The following PPP1R14C variants were observed in gnomAD, a reference collection of about 807,000 sequenced individuals.
The protein encoded by PPP1R14C is protein phosphatase 1 regulatory inhibitor subunit 14C, also known as protein phosphatase 1 regulatory subunit 14C.
In PPP1R14C, 16 loss-of-function variants were observed where a neutral mutation model predicts 20.4. The observed-to-expected ratio is 0.78, with a 90% CI of 0.53 to 1.19. The LOEUF (loss-of-function observed/expected upper bound fraction) is 1.19, where lower values mean the gene tolerates loss of function less well. PPP1R14C is among the 50% of genes most tolerant of loss of function. The probability of loss-of-function intolerance (pLI) is 0.00; values close to 1 mark genes in which losing one functional copy is unlikely to be tolerated. For missense variants in PPP1R14C, 211 were observed against 220.1 expected, an observed-to-expected ratio of 0.96 and a Z score of 0.26; for synonymous variants, 91 against 91.0, an observed-to-expected ratio of 1.00 and a Z score of 0.00.
intron 3 of PPP1R14C, among the ~76,000 whole-genome samples, chr6:150,237,635 A>G (rs886755770): frequency 6.6e-6 from 1 of 152,232 alleles, no homozygotes; most frequent in South Asian, 2.1e-4. Context: ...TTTTCCAAAC[A>G]TGTAACATAC....
chr6:150,149,323 G>GTA (rs1554280435), intron 1 of PPP1R14C, among the ~76,000 whole-genome samples: 5 of 150,792 alleles, frequency 3.3e-5, no homozygotes, highest in Admixed American at 6.6e-5. Flanking sequence ...GTGTGTGTGT[G>GTA]TATGTGTGTG....
At chr6:150,166,904 A>G (rs1323082501) in intron 1 of PPP1R14C, among the ~76,000 whole-genome samples, 1 of 152,210 alleles carries the variant, frequency 6.6e-6, no homozygotes, top group African/African-American at 2.4e-5. Context: ...TTGTAACTCC[A>G]GTCATTTGGA....
Position 150,143,626 on chromosome 6 carries a change from G to T in PPP1R14C, c.306+128G>T, listed in dbSNP as rs560607402. On this transcript the variant is annotated intron_variant, in intron 1 of 3. Transcript: ENST00000361131. This position sits in a 1 kb window ranked among gnomAD's most constrained non-coding sequence, Gnocchi z 5.6. Reference sequence around the variant, plus strand: ...CTCCCGGGGACCAAGTGCCAGGAGCGAGGCGCGGCGCCTTCTCTCCCCCGC... The same window carrying T: ...CTCCCGGGGACCAAGTGCCAGGAGCTAGGCGCGGCGCCTTCTCTCCCCCGC... The T allele has an allele frequency of 4.1e-4, 277 of 683,500 alleles. 3 individuals are homozygous for T. The East Asian group carries it at 7.9e-3, about 19-fold the overall frequency. The allele number at this position is 683,500 out of a possible 1,614,324, so 42.3% of individuals were successfully genotyped here. A position where few individuals can be genotyped will look rare whatever the true frequency, so the allele number is the denominator to read the frequency against.
intron 1 of PPP1R14C, among the ~76,000 whole-genome samples, chr6:150,183,975 A>T (rs1777650096): frequency 1.3e-5 from 2 of 152,194 alleles, no homozygotes; most frequent in Non-Finnish European, 2.9e-5. Context: ...CATATTTCCC[A>T]AGTTTTAAGG....
intron 1 of PPP1R14C, among the ~76,000 whole-genome samples, chr6:150,193,727 C>A (rs939091225): frequency 2.6e-5 from 4 of 152,156 alleles, no homozygotes; most frequent in Admixed American, 1.3e-4. Context: ...GAAGCCCATT[C>A]TGATTTTGAA....
At chr6:150,168,257 C>T (rs1777455295) in intron 1 of PPP1R14C, among the ~76,000 whole-genome samples, 1 of 147,594 alleles carries the variant, frequency 6.8e-6, no homozygotes, top group African/African-American at 2.5e-5. Context: ...CTTGATTCGG[C>T]CGGGCGCGGT....
At chr6:150,242,723 A>G (rs1473328001) in intron 3 of PPP1R14C, among the ~76,000 whole-genome samples, 1 of 152,222 alleles carries the variant, frequency 6.6e-6, no homozygotes, top group Non-Finnish European at 1.5e-5. Context: ...TTAGGCCAAA[A>G]AGAAATACAA....
intron 1 of PPP1R14C, among the ~76,000 whole-genome samples, chr6:150,183,935 A>G (rs914507950): frequency 3.3e-5 from 5 of 152,254 alleles, no homozygotes; most frequent in Admixed American, 1.3e-4. Flanking sequence ...GAGACTTGCT[A>G]TGGTGTAACG....
intron 1 of PPP1R14C, chr6:150,195,051 A>G: frequency 1.0e-6 from 1 of 985,222 alleles, no homozygotes; most frequent in Non-Finnish European, 1.2e-6. Flanking sequence ...CCTTTTGAAT[A>G]TAACCTGTAT....
At chr6:150,158,729 C>A (rs775502837) in intron 1 of PPP1R14C, among the ~76,000 whole-genome samples, 1 of 152,130 alleles carries the variant, frequency 6.6e-6, no homozygotes, top group African/African-American at 2.4e-5. Flanking sequence ...ATGAGTATCC[C>A]ACTGTTTTAT....
At position 150,143,940 on chromosome 6, in the gene PPP1R14C, G is replaced by A. The variant is rs548434013; in HGVS notation, c.306+442G>A. 3.9e-5 allele frequency among the ~76,000 whole-genome samples: 6 copies of A among 152,166 alleles called. No individual in the cohort carries two copies. The highest frequency in any genetic ancestry group is 7.2e-5 in the African/African-American group (3 of 41,450). The stretch of plus-strand genomic sequence containing the variant: ...GGCAGCCCTGATTTTTGTGGAGAAC[G>A]AGCAGGGAAGGAAGGAAGCTGCCTC... On this transcript the variant is annotated intron_variant, in intron 1 of 3. Transcript: ENST00000361131. This position sits in a 1 kb window ranked among gnomAD's most constrained non-coding sequence, Gnocchi z 5.6.
At position 150,198,231 on chromosome 6, in the gene PPP1R14C, G is replaced by A. The variant is rs1267978071; in HGVS notation, c.307-16513G>A. Among the ~76,000 whole-genome samples the A allele has an allele frequency of 2.0e-4, 29 of 144,266 alleles. 1 individual carries two copies. The highest frequency in any genetic ancestry group is 5.4e-4 in the African/African-American group (21 of 38,606). 94.6% of individuals were successfully genotyped at this position (144,266 alleles called of 152,430 possible). On this transcript the variant is annotated intron_variant, in intron 1 of 3. Transcript: ENST00000361131. The stretch of plus-strand genomic sequence containing the variant: ...ACGGTGGAGGAGGGCCTGGATGCCC[G>A]GCTTTGTGTGCCCCTGCCTGCCACG...
rs1373602001 is a variant in PPP1R14C at position 150,180,533 on chromosome 6, G to A, written c.307-34211G>A. Among the ~76,000 whole-genome samples, 7 of 152,206 alleles carry A rather than the reference G, an allele frequency of 4.6e-5. No individual in the cohort carries two copies. In the South Asian group the frequency reaches 6.2e-4, roughly 13 times the overall value. On this transcript the variant is annotated intron_variant, in intron 1 of 3. Transcript: ENST00000361131. ...ATTTAATGCTTCCATGTTTCATCCAGCATTATATAAGGAACTCTGCACATG... is the reference window on the plus strand; with the variant it reads ...ATTTAATGCTTCCATGTTTCATCCAACATTATATAAGGAACTCTGCACATG...
At chr6:150,247,002 G>A (rs190919899) in intron 3 of PPP1R14C, among the ~76,000 whole-genome samples, 67 of 152,152 alleles carry the variant, frequency 4.4e-4, no homozygotes, top group Middle Eastern at 6.8e-3. Flanking sequence ...ATTGTTGCTG[G>A]TTGTATTTTC....
rs545007866 is a variant in PPP1R14C, at chr6:150,204,951, G to C, written c.307-9793G>C. ...GGAAGTGGCCTCTTGAGCCCTTTGA[G>C]ATCAAGGCTGGGCATAGAACACAAC... is the stretch of plus-strand genomic sequence containing the variant. On this transcript the variant is annotated intron_variant, in intron 1 of 3. Coordinates refer to ENST00000361131, the MANE Select transcript of PPP1R14C (RefSeq NM_030949.3). Among the ~76,000 whole-genome samples the C allele has an allele frequency of 5.6e-4, 84 of 151,080 alleles. 1 individual carries two copies. Among genetic ancestry groups the C allele is most frequent in the African/African-American group, 1.9e-3 (80 of 41,244 alleles).
intron 3 of PPP1R14C, among the ~76,000 whole-genome samples, chr6:150,230,176 C>G (rs981372837): frequency 5.9e-5 from 9 of 152,242 alleles, no homozygotes; most frequent in African/African-American, 2.2e-4. Context: ...CACACACCAC[C>G]TGCCCATTTT....
At chr6:150,216,150 G>T (rs185161870) in intron 2 of PPP1R14C, among the ~76,000 whole-genome samples, 6 of 152,340 alleles carry the variant, frequency 3.9e-5, no homozygotes, top group Non-Finnish European at 7.3e-5. Context: ...GGATGCTTGA[G>T]CATCCCTGTC....
chr6:150,174,481 G>T (rs942806295), intron 1 of PPP1R14C, among the ~76,000 whole-genome samples: 1 of 151,896 alleles, frequency 6.6e-6, no homozygotes, highest in African/African-American at 2.4e-5. Context: ...CTCCCAAAGT[G>T]CTGGGATTAC....
At chr6:150,197,033 AG>A (rs1165762147) in intron 1 of PPP1R14C, among the ~76,000 whole-genome samples, 2 of 152,196 alleles carry the variant, frequency 1.3e-5, no homozygotes, top group Admixed American at 1.3e-4. Flanking sequence ...CCCTCCCTCC[AG>A]TAAACACAAC....
Sources: gnomAD v4.1 joint callset for allele counts (sites outside exome capture counted in the v4.1 genomes callset) on GRCh38, gnomAD v4.1.1 for gene constraint, Gnocchi (gnomAD v3.1) non-coding constraint, MANE v1.5 for transcripts, NCBI Gene and HGNC (gene_info 2026-07-23, HGNC 2026-07-21) for gene names.